EEIG1: variants seen among roughly 807,000 people sequenced by gnomAD.
EEIG1 encodes early estrogen-induced gene 1 protein.
chr9:127,950,768 GCACC>G, the EEIG1 span: 2 of 1,300,314 alleles, frequency 1.5e-6, no homozygotes, highest in Non-Finnish European at 2.0e-6. Context: ...GCTGCACAAA[GCACC>G]CTTTGTGCCA....
At chr9:127,943,162 G>A in the EEIG1 span, 1 of 1,611,782 alleles carries the variant, frequency 6.2e-7, no homozygotes. Context: ...AGAGAAAGCA[G>A]GACTCTTCTC....
the EEIG1 span, among the ~76,000 whole-genome samples, chr9:127,974,447 T>C: frequency 7.8e-4 from 119 of 152,350 alleles, 1 homozygote; most frequent in East Asian, 0.021. Context: ...CAGGGGCTTC[T>C]ATGCCAAAGG....
the EEIG1 span, among the ~76,000 whole-genome samples, chr9:127,975,574 C>T: frequency 3.3e-5 from 5 of 152,182 alleles, no homozygotes; most frequent in African/African-American, 7.2e-5. Flanking sequence ...TCAGCTACGC[C>T]ATCAGCTCCT....
the EEIG1 span, chr9:127,950,625 T>C: frequency 6.4e-7 from 1 of 1,558,002 alleles, no homozygotes; most frequent in African/African-American, 1.4e-5. Context: ...TTGGCAAAAG[T>C]TGGAGAGGGA....
the EEIG1 span, among the ~76,000 whole-genome samples, chr9:127,967,300 C>T: frequency 1.5e-4 from 23 of 152,252 alleles, no homozygotes; most frequent in East Asian, 1.9e-4. Flanking sequence ...TGTCAGGCAC[C>T]GAGCCAAGCA....
chr9:127,980,255 T>TGGCGGAGAC, the EEIG1 span: 4 of 1,188,228 alleles, frequency 3.4e-6, no homozygotes, highest in Admixed American at 2.4e-5. Context: ...GCCCTGATGG[T>TGGCGGAGAC]GGCGGAGACG....
chr9:127,953,671 A>G, the EEIG1 span: 46 of 1,604,706 alleles, frequency 2.9e-5, 1 homozygote, highest in South Asian at 4.7e-4. Context: ...TGCATCTCCC[A>G]CAATCCCCCC....
chr9:127,953,691 G>C, the EEIG1 span: 1 of 1,607,534 alleles, frequency 6.2e-7, no homozygotes, highest in Non-Finnish European at 8.5e-7. Flanking sequence ...CAGATCTGAG[G>C]GGAGGAGGGC....
At chr9:127,953,537 C>A in the EEIG1 span, 12 of 1,603,548 alleles carry the variant, frequency 7.5e-6, no homozygotes, top group East Asian at 4.5e-5. Flanking sequence ...TGCCACCCCC[C>A]ATTCCATCCC....
chr9:127,976,940 C>T, the EEIG1 span, among the ~76,000 whole-genome samples: 6 of 152,024 alleles, frequency 3.9e-5, no homozygotes, highest in Non-Finnish European at 7.4e-5. The surrounding 1 kb of genome is among the most constrained non-coding windows in gnomAD (Gnocchi z 4.1). Context: ...AACAATGGGG[C>T]CTTTGCTGTC....
the EEIG1 span, among the ~76,000 whole-genome samples, chr9:127,970,723 C>T: frequency 6.6e-6 from 1 of 152,154 alleles, no homozygotes. Context: ...AGTCCAAACC[C>T]CTCCCCTTGA....
At chr9:127,947,584 G>A in the EEIG1 span, among the ~76,000 whole-genome samples, 2 of 152,114 alleles carry the variant, frequency 1.3e-5, no homozygotes, top group South Asian at 2.1e-4. Context: ...ACAGAGAGAC[G>A]CAAACTGGCC....
chr9:127,949,188 C>T, the EEIG1 span, among the ~76,000 whole-genome samples: 53 of 151,870 alleles, frequency 3.5e-4, no homozygotes, highest in African/African-American at 1.2e-3. Flanking sequence ...GTGGCGGGCA[C>T]CTGTAGTCCC....
chr9:127,948,610 T>C, the EEIG1 span, among the ~76,000 whole-genome samples: 1 of 152,190 alleles, frequency 6.6e-6, no homozygotes, highest in East Asian at 1.9e-4. Context: ...AGGACAGAGA[T>C]GGAACCAAGG....
chr9:127,954,164 A>G, the EEIG1 span, among the ~76,000 whole-genome samples: 1 of 152,228 alleles, frequency 6.6e-6, no homozygotes, highest in Non-Finnish European at 1.5e-5. Context: ...GAGGTGAGCT[A>G]GGGCAGCTGT....
the EEIG1 span, among the ~76,000 whole-genome samples, chr9:127,962,795 AAGACAGG>A: frequency 6.6e-6 from 1 of 152,186 alleles, no homozygotes; most frequent in African/African-American, 2.4e-5. Context: ...CTGGGAGGCT[AAGACAGG>A]AGACTCACTT....
chr9:127,949,324 A>AAC, the EEIG1 span, among the ~76,000 whole-genome samples: 3 of 151,308 alleles, frequency 2.0e-5, no homozygotes, highest in East Asian at 5.8e-4. Flanking sequence ...AAAAAAAAAA[A>AAC]AAAAAAAAGA....
At chr9:127,978,794 G>A in the EEIG1 span, among the ~76,000 whole-genome samples, 2 of 152,078 alleles carry the variant, frequency 1.3e-5, no homozygotes, top group African/African-American at 4.8e-5. Context: ...CCAAGATCAC[G>A]CCACTGCATT....
At chr9:127,971,503 C>T in the EEIG1 span, among the ~76,000 whole-genome samples, 1 of 150,744 alleles carries the variant, frequency 6.6e-6, no homozygotes, top group South Asian at 2.1e-4. Flanking sequence ...GAGGGCTGCT[C>T]CTGACACAGA....
Sources: gnomAD v4.1 joint callset for allele counts (sites outside exome capture counted in the v4.1 genomes callset) on GRCh38, gnomAD v4.1.1 for gene constraint, Gnocchi (gnomAD v3.1) non-coding constraint, MANE v1.5 for transcripts, NCBI Gene and HGNC (gene_info 2026-07-23, HGNC 2026-07-21) for gene names.